MEGF10: variants seen among roughly 807,000 people sequenced by gnomAD.
MEGF10 encodes the protein multiple EGF like domains 10.
In MEGF10, 86 loss-of-function variants were observed where a neutral mutation model predicts 147.5. The ratio of observed to expected loss-of-function variants is 0.58; its 90% confidence interval spans 0.49 to 0.70. The LOEUF (loss-of-function observed/expected upper bound fraction) is 0.70, where lower values mean the gene tolerates loss of function less well. Among genes scored for constraint, MEGF10 ranks in the 30% least tolerant of loss-of-function variants. MEGF10 has a pLI of 0.00. For synonymous variants in MEGF10, 478 were observed against 525.5 expected (o/e 0.91, Z 1.24); for missense variants, 1,329 against 1,487.3 (o/e 0.89, Z 1.75).
chr5:127,287,997 A>G (rs1287878721), upstream of MEGF10, among the ~76,000 whole-genome samples: 2 of 152,070 alleles, frequency 1.3e-5, no homozygotes, highest in Non-Finnish European at 2.9e-5. Flanking sequence ...ACTCAATGGG[A>G]AAAAAGATAA....
At chr5:127,451,220 C>G (rs1766143301) in intron 22 of MEGF10, among the ~76,000 whole-genome samples, 1 of 152,154 alleles carries the variant, frequency 6.6e-6, no homozygotes, top group South Asian at 2.1e-4. Context: ...CTGACTGCTC[C>G]CCTTAAACAC....
the MEGF10 span, among the ~76,000 whole-genome samples, chr5:127,243,307 G>A: frequency 1.3e-5 from 2 of 152,154 alleles, no homozygotes; most frequent in African/African-American, 4.8e-5. Context: ...GGACACAGAA[G>A]TTCATAGTAA....
At chr5:127,305,892 C>T (rs1759991318) in intron 1 of MEGF10, among the ~76,000 whole-genome samples, 1 of 152,214 alleles carries the variant, frequency 6.6e-6, no homozygotes, top group Non-Finnish European at 1.5e-5. Context: ...AATTATACTG[C>T]ATTGCTATGA....
intron 5 of MEGF10, among the ~76,000 whole-genome samples, chr5:127,381,917 C>T (rs1223261838): frequency 3.3e-5 from 5 of 152,212 alleles, no homozygotes; most frequent in African/African-American, 1.2e-4. Flanking sequence ...ATGATCCACC[C>T]ACCTTGGCCT....
chr5:127,275,773 A>G, the MEGF10 span, among the ~76,000 whole-genome samples: 6 of 152,234 alleles, frequency 3.9e-5, no homozygotes, highest in African/African-American at 1.2e-4. Context: ...ACTTTCCTAC[A>G]TATTTGAATG....
chr5:127,357,086 T>C (rs1001784398), intron 4 of MEGF10, among the ~76,000 whole-genome samples: 1 of 152,204 alleles, frequency 6.6e-6, no homozygotes. Flanking sequence ...TCTTTGGACC[T>C]GTAATTTCTT....
At chr5:127,287,734 A>G (rs1347523573), upstream of MEGF10, among the ~76,000 whole-genome samples, 2 of 152,056 alleles carry the variant, frequency 1.3e-5, no homozygotes, top group African/African-American at 4.8e-5. Context: ...TCTGAAATTT[A>G]CATGGAAGAT....
At chr5:127,444,059 T>C (rs1765850833) in intron 19 of MEGF10, among the ~76,000 whole-genome samples, 3 of 152,186 alleles carry the variant, frequency 2.0e-5, no homozygotes, top group Admixed American at 6.5e-5. Flanking sequence ...CTGGGAATAG[T>C]TGTCAGGTAC....
In MEGF10 at chr5:127,457,366, G is replaced by A. The variant is rs775219648; in HGVS notation, c.*48G>A. ...CACTGGAACCCTTTCCAGAACTGCT[G>A]TTTGGTTCTTCTCCATCCTCAATTT... On this transcript the variant is annotated 3_prime_UTR_variant, in exon 25 of 25. Transcript: ENST00000503335. 8.6e-5 allele frequency: 135 copies of A among 1,566,772 alleles called. 1 individual carries two copies. The highest frequency in any genetic ancestry group is 1.8e-5 in the Admixed American group (1 of 54,406).
At chr5:127,280,583 T>C in the MEGF10 span, among the ~76,000 whole-genome samples, 1 of 152,180 alleles carries the variant, frequency 6.6e-6, no homozygotes, top group Non-Finnish European at 1.5e-5. Context: ...CCGTTTGTAT[T>C]TGAGAAACAC....
At chr5:127,455,274 G>T (rs1220109755) in intron 23 of MEGF10, 127 bp from the exon 24 acceptor site, 1 of 837,560 alleles carries the variant, frequency 1.2e-6, no homozygotes, top group Non-Finnish European at 1.9e-6. Flanking sequence ...AGTGGAAAAG[G>T]TACAGTATTA....
At chr5:127,388,219 G>A (rs1395766254) in intron 5 of MEGF10, among the ~76,000 whole-genome samples, 1 of 152,098 alleles carries the variant, frequency 6.6e-6, no homozygotes, top group Non-Finnish European at 1.5e-5. Flanking sequence ...CACCATCTCA[G>A]TTCACTGCAG....
At chr5:127,447,929 T>TGTGTGA (rs1766010887) in intron 21 of MEGF10, among the ~76,000 whole-genome samples, 3 of 152,236 alleles carry the variant, frequency 2.0e-5, no homozygotes, top group Admixed American at 2.0e-4. Flanking sequence ...AGGCAGCTGC[T>TGTGTGA]GTGTGAGTCA....
chr5:127,396,396 C>A (rs1763912580), intron 5 of MEGF10, 136 bp from the exon 6 acceptor site: 3 of 1,009,522 alleles, frequency 3.0e-6, no homozygotes, highest in East Asian at 2.7e-5. Flanking sequence ...GAAGCATTGC[C>A]ATGGGTTGGG....
In MEGF10 at chr5:127,400,634, C is replaced by T. The variant is rs114686230; in HGVS notation, c.780+1838C>T. 7.0e-4 allele frequency among the ~76,000 whole-genome samples: 107 copies of T among 152,294 alleles called. 2 individuals carry two copies. The highest frequency in any genetic ancestry group is 2.5e-3 in the African/African-American group (103 of 41,564). On this transcript the variant is annotated intron_variant, in intron 7 of 24. Transcript: ENST00000503335. ...GATAAGGATCTTCAGGCCTTTTACT[C>T]CTAGGACTTCTGTGTAGATATTGTC... is the stretch of plus-strand genomic sequence containing the variant.
chr5:127,240,266 G>C, the MEGF10 span, among the ~76,000 whole-genome samples: 1 of 152,044 alleles, frequency 6.6e-6, no homozygotes. Context: ...TCCTTCCCTG[G>C]TCTATTTGCT....
the MEGF10 span, among the ~76,000 whole-genome samples, chr5:127,285,753 C>A: frequency 1.4e-4 from 22 of 152,008 alleles, no homozygotes; most frequent in Non-Finnish European, 2.5e-4. Context: ...ACTATTCTTG[C>A]TGGCTGTAAT....
chr5:127,363,916 A>G (rs1430168598), intron 4 of MEGF10, among the ~76,000 whole-genome samples: 2 of 152,156 alleles, frequency 1.3e-5, no homozygotes, highest in Non-Finnish European at 2.9e-5. Flanking sequence ...ACCCCAAGTA[A>G]AACGTTATGG....
intron 9 of MEGF10, among the ~76,000 whole-genome samples, chr5:127,416,766 A>G (rs888232879): frequency 6.6e-6 from 1 of 152,188 alleles, no homozygotes; most frequent in African/African-American, 2.4e-5. Flanking sequence ...AGGAAGCTGT[A>G]TTTCACTGAG....
Sources: gnomAD v4.1 joint callset for allele counts (sites outside exome capture counted in the v4.1 genomes callset) on GRCh38, gnomAD v4.1.1 for gene constraint, MANE v1.5 for transcripts, NCBI Gene and HGNC (gene_info 2026-07-23, HGNC 2026-07-21) for gene names.